The following GPC6 variants were observed in gnomAD, a reference collection of about 807,000 sequenced individuals.
GPC6 encodes the protein glypican-6.
Under a neutral mutation model 55.2 loss-of-function variants are expected in GPC6, and 14 were observed. The ratio of observed to expected loss-of-function variants is 0.25; its 90% CI spans 0.17 to 0.40. The LOEUF (loss-of-function observed/expected upper bound fraction) is 0.40. GPC6 is among the 10% of genes least tolerant of loss of function. GPC6 has a pLI of 1.00. For missense variants in GPC6, 641 were observed against 708.5 expected (o/e 0.90, Z 1.08); for synonymous variants, 278 against 259.6 (o/e 1.07, Z -0.68).
chr13:94,206,809 C>T (rs1268532016), intron 4 of GPC6, among the ~76,000 whole-genome samples: 1 of 152,048 alleles, frequency 6.6e-6, no homozygotes, highest in Admixed American at 6.6e-5. Flanking sequence ...GCTGAGATCG[C>T]GCCACTGCAT....
chr13:94,257,098 C>T (rs1566601408), intron 4 of GPC6, among the ~76,000 whole-genome samples: 1 of 152,124 alleles, frequency 6.6e-6, no homozygotes, highest in Admixed American at 6.5e-5. Flanking sequence ...TTTAGGGAGA[C>T]CCTAACTGAT....
chr13:93,644,433 A>G (rs1264856650), intron 2 of GPC6, among the ~76,000 whole-genome samples: 1 of 152,156 alleles, frequency 6.6e-6, no homozygotes, highest in East Asian at 1.9e-4. Context: ...ATCATTTAGA[A>G]ACAAGCCCAA....
chr13:94,175,937 C>CAT (rs377560714), intron 4 of GPC6, among the ~76,000 whole-genome samples: 35,589 of 127,100 alleles, frequency 0.28, 4,896 homozygotes, highest in Middle Eastern at 0.31. Context: ...CCAAATGAGC[C>CAT]ATATATATAT....
chr13:93,237,920 T>C (rs1876293195), intron 1 of GPC6, among the ~76,000 whole-genome samples: 1 of 152,156 alleles, frequency 6.6e-6, no homozygotes, highest in African/African-American at 2.4e-5. Context: ...GTTCTATTGG[T>C]CTATGTGTCT....
chr13:93,846,409 C>T (rs576374731), intron 3 of GPC6, among the ~76,000 whole-genome samples: 1 of 152,326 alleles, frequency 6.6e-6, no homozygotes, highest in South Asian at 2.1e-4. Context: ...TTCCACACTG[C>T]TTCACCCACA....
chr13:93,905,557 T>G (rs759004679), intron 3 of GPC6, among the ~76,000 whole-genome samples: 4 of 152,238 alleles, frequency 2.6e-5, no homozygotes, highest in Non-Finnish European at 5.9e-5. Context: ...TTTGTTCAAC[T>G]TGCATCTATC....
chr13:93,465,149 A>G (rs899517501), intron 1 of GPC6, among the ~76,000 whole-genome samples: 7 of 152,226 alleles, frequency 4.6e-5, no homozygotes, highest in African/African-American at 1.7e-4. Context: ...GCACCATCAG[A>G]GTACATTTAG....
chr13:93,858,002 T>C (rs1464873909), intron 3 of GPC6, among the ~76,000 whole-genome samples: 1 of 151,514 alleles, frequency 6.6e-6, no homozygotes, highest in Non-Finnish European at 1.5e-5. Context: ...GCTGCTAACA[T>C]ACATTAATTA....
chr13:94,048,002 A>AT (rs1326053383), intron 4 of GPC6, among the ~76,000 whole-genome samples: 5 of 151,554 alleles, frequency 3.3e-5, no homozygotes, highest in East Asian at 2.0e-4. Context: ...AATATTTAAC[A>AT]TTTTTTTTCT....
rs538724967 is a variant in GPC6, at chr13:93,441,271, C to T, written c.161-103992C>T. The stretch of plus-strand genomic sequence containing the variant: ...TCTAGATCCTTGAGGAACCACCACC[C>T]TGTCTTCCACAATGGTTGAACTAGT... On this transcript the variant is annotated intron_variant, in intron 1 of 8. Coordinates refer to ENST00000377047, the MANE Select transcript of GPC6 (RefSeq NM_005708.5). Among the ~76,000 whole-genome samples, 9 of 151,348 alleles carry T rather than the reference C, an allele frequency of 5.9e-5. No homozygotes were observed. In the South Asian group the frequency reaches 8.3e-4, roughly 14 times the overall value.
chr13:93,418,418 G>A (rs995250809), intron 1 of GPC6, among the ~76,000 whole-genome samples: 4 of 150,872 alleles, frequency 2.7e-5, no homozygotes, highest in Non-Finnish European at 5.9e-5. Flanking sequence ...TTTATTAATA[G>A]CACTATACCA....
intron 2 of GPC6, among the ~76,000 whole-genome samples, chr13:93,809,780 A>T (rs1202554489): frequency 6.6e-6 from 1 of 152,178 alleles, no homozygotes; most frequent in Non-Finnish European, 1.5e-5. Flanking sequence ...CTTTCTAGGT[A>T]GTAACTGGAG....
intron 2 of GPC6, among the ~76,000 whole-genome samples, chr13:93,661,664 T>C (rs994498007): frequency 3.3e-5 from 5 of 152,058 alleles, no homozygotes; most frequent in Non-Finnish European, 7.4e-5. Flanking sequence ...CAGAGAGAAA[T>C]GGGCTAAATG....
At chr13:93,284,226 G>GA (rs1423707724) in intron 1 of GPC6, among the ~76,000 whole-genome samples, 1 of 152,174 alleles carries the variant, frequency 6.6e-6, no homozygotes, top group Non-Finnish European at 1.5e-5. Flanking sequence ...AGTATCAGAA[G>GA]AAAATCCCTT....
chr13:94,166,627 G>A (rs1196153459), intron 4 of GPC6, among the ~76,000 whole-genome samples: 1 of 152,076 alleles, frequency 6.6e-6, no homozygotes, highest in East Asian at 1.9e-4. Context: ...ATACATTATA[G>A]CTATCTGTTT....
intron 3 of GPC6, among the ~76,000 whole-genome samples, chr13:93,968,579 C>G (rs535029168): frequency 1.3e-5 from 2 of 152,166 alleles, no homozygotes; most frequent in African/African-American, 4.8e-5. Flanking sequence ...TACAAGCCAC[C>G]TGAAATCAAA....
chr13:93,990,123 A>G (rs549620682), intron 3 of GPC6, among the ~76,000 whole-genome samples: 1 of 152,002 alleles, frequency 6.6e-6, no homozygotes, highest in Non-Finnish European at 1.5e-5. Flanking sequence ...ACAAAATATG[A>G]TAATATTTTA....
At chr13:93,541,032 TTTA>T (rs983156212) in intron 1 of GPC6, among the ~76,000 whole-genome samples, 3 of 152,084 alleles carry the variant, frequency 2.0e-5, no homozygotes, top group Non-Finnish European at 2.9e-5. Context: ...TCCTTTTTTT[TTTA>T]TTATTATACT....
At chr13:93,969,125 C>T (rs1197425677) in intron 3 of GPC6, among the ~76,000 whole-genome samples, 1 of 152,174 alleles carries the variant, frequency 6.6e-6, no homozygotes, top group Non-Finnish European at 1.5e-5. Flanking sequence ...ATGTGATACA[C>T]ACTGTGGTCA....
Sources: allele counts gnomAD v4.1 joint callset (sites outside exome capture counted in the v4.1 genomes callset), GRCh38; gene constraint gnomAD v4.1.1; transcripts MANE v1.5; gene names NCBI Gene and HGNC (gene_info 2026-07-23, HGNC 2026-07-21).